PHACTR1: variants seen among roughly 807,000 people sequenced by gnomAD.
PHACTR1 encodes the protein RPEL repeat containing 1.
In PHACTR1, 16 loss-of-function variants were observed where a neutral mutation model predicts 69.2. That is an observed-to-expected ratio of 0.23 (90% CI 0.16 to 0.35). PHACTR1 has a LOEUF of 0.35. PHACTR1 is among the 10% of genes least tolerant of loss of function. PHACTR1 has a pLI of 1.00. For missense variants in PHACTR1, 510 were observed against 734.7 expected, an observed-to-expected ratio of 0.69 and a Z score of 3.54; for synonymous variants, 312 against 284.5, an observed-to-expected ratio of 1.10 and a Z score of -0.97.
intron 4 of PHACTR1, among the ~76,000 whole-genome samples, chr6:12,815,733 C>T (rs994929847): frequency 1.3e-5 from 2 of 152,204 alleles, no homozygotes; most frequent in Non-Finnish European, 2.9e-5. Flanking sequence ...TTTTCTTCTT[C>T]TCTCTGTATA....
intron 4 of PHACTR1, among the ~76,000 whole-genome samples, chr6:13,011,936 A>T (rs928751800): frequency 2.6e-5 from 4 of 152,226 alleles, no homozygotes; most frequent in African/African-American, 4.8e-5. Flanking sequence ...TAAGGCTTAT[A>T]ATTAGCCAGG....
Position 13,224,245 on chromosome 6 carries a change from G to A in PHACTR1, c.987-3571G>A, listed in dbSNP as rs1193166578. 6.6e-5 allele frequency among the ~76,000 whole-genome samples: 10 copies of A among 152,204 alleles called. No individual in the cohort carries two copies. In the East Asian group the frequency reaches 1.7e-3, roughly 26 times the overall value. On this transcript the variant is annotated intron_variant, in intron 8 of 14. Transcript: ENST00000332995. ...GTGAAGAGAAGATAGTAAGCAAACA[G>A]ATGATCATGGTTTTCACCCTTGAGG... is the stretch of plus-strand genomic sequence containing the variant.
chr6:12,749,307 G>A (rs1004842396), intron 3 of PHACTR1: 21 of 405,392 alleles, frequency 5.2e-5, no homozygotes, highest in African/African-American at 4.3e-4. Flanking sequence ...GGCGGGAGGC[G>A]GGGTGTCAGC....
intron 4 of PHACTR1, among the ~76,000 whole-genome samples, chr6:12,941,245 A>T (rs1469340510): frequency 6.6e-6 from 1 of 152,160 alleles, no homozygotes; most frequent in Non-Finnish European, 1.5e-5. Flanking sequence ...CCTCTTTAAG[A>T]AGTATCCTCA....
At chr6:13,117,974 G>A (rs527876283) in intron 5 of PHACTR1, among the ~76,000 whole-genome samples, 20 of 152,194 alleles carry the variant, frequency 1.3e-4, no homozygotes, top group Admixed American at 5.9e-4. Flanking sequence ...AAATATTCAC[G>A]TTGCACACAG....
At chr6:13,142,835 G>GA (rs36049014) in intron 5 of PHACTR1, among the ~76,000 whole-genome samples, 29,513 of 147,170 alleles carry the variant, frequency 0.2, 3,170 homozygotes, top group South Asian at 0.41. Flanking sequence ...TGAGAAGTGT[G>GA]AAAAAAAAAA....
At chr6:12,836,392 C>T (rs1162023214) in intron 4 of PHACTR1, among the ~76,000 whole-genome samples, 1 of 152,144 alleles carries the variant, frequency 6.6e-6, no homozygotes, top group African/African-American at 2.4e-5. Flanking sequence ...AAATCAAAGT[C>T]AAAACCTTGG....
rs574726288 is a variant in PHACTR1 at position 12,771,671 on chromosome 6, A to G, written c.250+21881A>G. On this transcript the variant is annotated intron_variant, in intron 4 of 14. Coordinates refer to ENST00000332995, the MANE Select transcript of PHACTR1 (RefSeq NM_030948.6). Reference sequence around the variant, plus strand: ...TCAGGCTATTGCTTTACCCGACTGTAACTTAAAAATACCACCCTTTCCTAT... The same window carrying G: ...TCAGGCTATTGCTTTACCCGACTGTGACTTAAAAATACCACCCTTTCCTAT... Among the ~76,000 whole-genome samples, 7 of 152,348 alleles carry G rather than the reference A, an allele frequency of 4.6e-5. No homozygotes were observed. The East Asian group carries it at 1.3e-3, about 29-fold the overall frequency.
intron 5 of PHACTR1, among the ~76,000 whole-genome samples, chr6:13,123,500 C>G (rs1004086425): frequency 5.9e-5 from 9 of 152,154 alleles, no homozygotes; most frequent in African/African-American, 2.2e-4. Context: ...AAAATGGGAA[C>G]AGGAAGGCCA....
At chr6:12,896,074 C>T (rs1561988965) in intron 4 of PHACTR1, among the ~76,000 whole-genome samples, 1 of 152,226 alleles carries the variant, frequency 6.6e-6, no homozygotes, top group Non-Finnish European at 1.5e-5. Flanking sequence ...TGGAACCCTT[C>T]AAACCTACTT....
chr6:12,875,475 A>G (rs1782441602), intron 4 of PHACTR1, among the ~76,000 whole-genome samples: 1 of 152,234 alleles, frequency 6.6e-6, no homozygotes, highest in South Asian at 2.1e-4. Context: ...CAGAACCAAG[A>G]GTCAGCCTTG....
intron 5 of PHACTR1, among the ~76,000 whole-genome samples, chr6:13,057,828 C>T (rs1807039225): frequency 6.6e-6 from 1 of 152,190 alleles, no homozygotes; most frequent in Non-Finnish European, 1.5e-5. Flanking sequence ...TTACATCCTT[C>T]CTGTTCTAAG....
intron 4 of PHACTR1, among the ~76,000 whole-genome samples, chr6:12,769,499 G>A (rs1769105298): frequency 6.6e-6 from 1 of 152,164 alleles, no homozygotes; most frequent in Non-Finnish European, 1.5e-5. Context: ...TCTATGTATG[G>A]GACCTTGAGT....
chr6:12,811,826 CA>C (rs1775044319), intron 4 of PHACTR1, among the ~76,000 whole-genome samples: 1 of 152,092 alleles, frequency 6.6e-6, no homozygotes, highest in Admixed American at 6.5e-5. Flanking sequence ...AGGCAGGCAC[CA>C]TACTCGGTTT....
chr6:13,254,643 A>AC (rs146596167), intron 10 of PHACTR1, among the ~76,000 whole-genome samples: 2,192 of 152,330 alleles, frequency 0.014, 44 homozygotes, highest in African/African-American at 0.049. Flanking sequence ...GCTCCTAATT[A>AC]TGATAACCTG....
chr6:12,906,535 C>T (rs574913470), intron 4 of PHACTR1, among the ~76,000 whole-genome samples: 119 of 152,276 alleles, frequency 7.8e-4, no homozygotes, highest in African/African-American at 2.6e-3. Context: ...TCAGTATTCT[C>T]TCCTTTAAAA....
At chr6:12,728,688 G>T (rs1285621554) in intron 3 of PHACTR1, among the ~76,000 whole-genome samples, 1 of 151,962 alleles carries the variant, frequency 6.6e-6, no homozygotes, top group African/African-American at 2.4e-5. Context: ...CACAAACTGT[G>T]GTATGATATA....
chr6:13,150,856 G>A (rs1367971947), intron 5 of PHACTR1, among the ~76,000 whole-genome samples: 1 of 152,104 alleles, frequency 6.6e-6, no homozygotes, highest in African/African-American at 2.4e-5. Flanking sequence ...TAGCATAAAT[G>A]TGGATTGATT....
chr6:13,257,138 G>C (rs957680210), intron 10 of PHACTR1, among the ~76,000 whole-genome samples: 13 of 152,204 alleles, frequency 8.5e-5, no homozygotes, highest in African/African-American at 3.1e-4. Context: ...AATCATGGCA[G>C]AAAACAAAGG....
Sources: allele counts gnomAD v4.1 joint callset (sites outside exome capture counted in the v4.1 genomes callset), GRCh38; gene constraint gnomAD v4.1.1; transcripts MANE v1.5; gene names NCBI Gene and HGNC (gene_info 2026-07-23, HGNC 2026-07-21).